IGF1R: variants seen among roughly 807,000 people sequenced by gnomAD.
The protein encoded by IGF1R is insulin like growth factor 1 receptor.
A neutral mutation model predicts 144.6 loss-of-function variants in IGF1R; 44 were observed. That is an observed-to-expected ratio of 0.30 (90% CI 0.24 to 0.39). IGF1R has a LOEUF of 0.39. Ranked by LOEUF, IGF1R falls within the 10% of genes least tolerant of loss-of-function variation. The pLI, the probability that IGF1R is intolerant of heterozygous loss-of-function variation, is 1.00. For missense variants in IGF1R, 1,355 were observed against 1,833.7 expected (o/e 0.74, Z 4.77); for synonymous variants, 795 against 722.8 (o/e 1.10, Z -1.60).
chr15:98,795,768 A>G (rs747173496), intron 2 of IGF1R, among the ~76,000 whole-genome samples: 2 of 152,174 alleles, frequency 1.3e-5, no homozygotes, highest in African/African-American at 2.4e-5. Flanking sequence ...GTTTTTACAA[A>G]TGCTGTTTCC....
At chr15:98,688,473 G>T (rs912524564) in intron 1 of IGF1R, among the ~76,000 whole-genome samples, 2 of 151,296 alleles carry the variant, frequency 1.3e-5, no homozygotes, top group African/African-American at 4.9e-5. Context: ...TATTTCATGT[G>T]TATACCTTTG....
At chr15:98,819,660 C>G (rs560664054) in intron 2 of IGF1R, among the ~76,000 whole-genome samples, 4 of 152,248 alleles carry the variant, frequency 2.6e-5, no homozygotes, top group African/African-American at 7.2e-5. Flanking sequence ...CGCCAATAAG[C>G]TTTCGTTTAT....
chr15:98,924,646 C>T lies in IGF1R; in HGVS notation c.2744C>T (p.Ser915Leu), dbSNP rs1469290616. The change falls in exon 13 of 21, where the codon TCG becomes TTG. Residue 915 changes from serine (S) to leucine (L), a missense_variant. This residue lies in a region of IGF1R where 880 missense variants were observed against 1,202.7 expected (regional missense o/e 0.73). Coordinates refer to ENST00000650285, the MANE Select transcript of IGF1R (RefSeq NM_000875.5). Reference sequence around the variant, plus strand: ...GCCACATCTCTCTCTGGGAATGGGTCGTGGACAGATCCTGTGTTCTTCTAT... The same window carrying T: ...GCCACATCTCTCTCTGGGAATGGGTTGTGGACAGATCCTGTGTTCTTCTAT... ...IQATSLSGNG[S>L]WTDPVFFYVQ... 3 of 1,614,138 alleles carry T rather than the reference C, an allele frequency of 1.9e-6. No individual in the cohort carries two copies. The highest frequency in any genetic ancestry group is 1.7e-5 in the Admixed American group (1 of 60,016).
chr15:98,867,173 G>C (rs2141596417), intron 2 of IGF1R, among the ~76,000 whole-genome samples: 1 of 152,032 alleles, frequency 6.6e-6, no homozygotes, highest in South Asian at 2.1e-4. Flanking sequence ...GAGAGAGAGA[G>C]AGAGAGAGAG....
chr15:98,714,014 T>A (rs1486887429), intron 2 of IGF1R, among the ~76,000 whole-genome samples: 3 of 152,174 alleles, frequency 2.0e-5, no homozygotes, highest in Non-Finnish European at 4.4e-5. Flanking sequence ...TCCTGGAGTT[T>A]GTTGCATTTC....
intron 1 of IGF1R, among the ~76,000 whole-genome samples, chr15:98,664,831 A>G (rs2052691193): frequency 6.6e-6 from 1 of 151,982 alleles, no homozygotes; most frequent in African/African-American, 2.4e-5. Context: ...GGATAGAGGA[A>G]ATACGCATTA....
intron 18 of IGF1R, among the ~76,000 whole-genome samples, chr15:98,939,607 C>T (rs1334841131): frequency 6.6e-6 from 1 of 152,182 alleles, no homozygotes; most frequent in Admixed American, 6.5e-5. Flanking sequence ...GCTCTCCAGA[C>T]GTTTGAGGCA....
At chr15:98,899,908 G>C (rs1185317788) in intron 5 of IGF1R, among the ~76,000 whole-genome samples, 1 of 152,190 alleles carries the variant, frequency 6.6e-6, no homozygotes, top group Non-Finnish European at 1.5e-5. Flanking sequence ...AGACGGGGGT[G>C]CGCTTAGGGC....
chr15:98,662,424 G>A (rs188128354), intron 1 of IGF1R, among the ~76,000 whole-genome samples: 2 of 152,150 alleles, frequency 1.3e-5, no homozygotes, highest in Non-Finnish European at 2.9e-5. Flanking sequence ...CAGGCTGACT[G>A]GTTCAAGGTC....
intron 2 of IGF1R, among the ~76,000 whole-genome samples, chr15:98,712,798 C>T (rs540309959): frequency 6.6e-6 from 1 of 151,036 alleles, no homozygotes; most frequent in Non-Finnish European, 1.5e-5. Context: ...TTAGTAGAGA[C>T]GGGGTTTCAC....
chr15:98,757,821 T>A (rs1479776504), intron 2 of IGF1R, among the ~76,000 whole-genome samples: 1 of 152,242 alleles, frequency 6.6e-6, no homozygotes, highest in African/African-American at 2.4e-5. Context: ...TTTGCTTTAT[T>A]GCTTTCATCT....
chr15:98,828,864 A>G (rs1567149897), intron 2 of IGF1R, among the ~76,000 whole-genome samples: 1 of 138,820 alleles, frequency 7.2e-6, no homozygotes, highest in Non-Finnish European at 1.5e-5. Context: ...GCATTTGTTC[A>G]TTTATATCCC....
chr15:98,886,435 G>T (rs1008227726), intron 2 of IGF1R, among the ~76,000 whole-genome samples: 18 of 152,278 alleles, frequency 1.2e-4, no homozygotes, highest in Admixed American at 4.6e-4. Flanking sequence ...TGTTTTTATT[G>T]TTGGTCACTG....
chr15:98,876,759 C>A (rs566968441), intron 2 of IGF1R, among the ~76,000 whole-genome samples: 96 of 152,100 alleles, frequency 6.3e-4, no homozygotes, highest in African/African-American at 1.6e-3. Context: ...TGGTACAGTT[C>A]CCCCAAAAAA....
intron 2 of IGF1R, among the ~76,000 whole-genome samples, chr15:98,740,380 C>T (rs1000573905): frequency 1.3e-5 from 2 of 152,140 alleles, no homozygotes; most frequent in African/African-American, 4.8e-5. Flanking sequence ...GCTGAAAAAG[C>T]ATTTAACAGG....
intron 1 of IGF1R, among the ~76,000 whole-genome samples, chr15:98,668,756 A>G (rs1447115193): frequency 6.6e-6 from 1 of 152,116 alleles, no homozygotes; most frequent in Non-Finnish European, 1.5e-5. Context: ...GTGAGCACGT[A>G]CCCATCAGAT....
chr15:98,877,452 C>T (rs1296566066), intron 2 of IGF1R, among the ~76,000 whole-genome samples: 2 of 140,896 alleles, frequency 1.4e-5, no homozygotes, highest in African/African-American at 5.3e-5. Flanking sequence ...GTTTCTGCTT[C>T]TGGCATTGGG....
intron 8 of IGF1R, 90 bp from the exon 9 acceptor site, chr15:98,915,874 G>A: frequency 8.7e-7 from 1 of 1,147,160 alleles, no homozygotes; most frequent in Non-Finnish European, 1.3e-6. Flanking sequence ...AGGTCAAACT[G>A]GCAGTTTCCT....
At chr15:98,790,218 T>C (rs1003996172) in intron 2 of IGF1R, among the ~76,000 whole-genome samples, 2 of 151,932 alleles carry the variant, frequency 1.3e-5, no homozygotes, top group Admixed American at 1.3e-4. Context: ...CCATATGAGG[T>C]GGGTATGGGT....
Sources: gnomAD v4.1 joint callset for allele counts (sites outside exome capture counted in the v4.1 genomes callset) on GRCh38, gnomAD v4.1.1 for gene constraint, gnomAD v4.1.1 regional missense constraint, MANE v1.5 for transcripts, NCBI Gene and HGNC (gene_info 2026-07-23, HGNC 2026-07-21) for gene names.